Variants in RBFOX1 observed in about 807,000 individuals in gnomAD.
RBFOX1 encodes the protein RNA binding fox-1 homolog 1.
A neutral mutation model predicts 57.7 loss-of-function variants in RBFOX1; 8 were observed. That is an observed-to-expected ratio of 0.14 (90% CI 0.08 to 0.25). The LOEUF is 0.25. RBFOX1 is among the 10% of genes least tolerant of loss of function. The probability of loss-of-function intolerance (pLI) is 1.00; values close to 1 mark genes in which losing one functional copy is unlikely to be tolerated. For missense variants in RBFOX1, 611 were observed against 548.5 expected (o/e 1.11, Z -1.14); for synonymous variants, 326 against 222.4 (o/e 1.47, Z -4.15).
chr16:7,044,602 T>G (rs2047266957), intron 3 of RBFOX1, among the ~76,000 whole-genome samples: 1 of 152,158 alleles, frequency 6.6e-6, no homozygotes. Context: ...TGGTATTTGA[T>G]TCTGGAAGCA....
intron 4 of RBFOX1, among the ~76,000 whole-genome samples, chr16:5,879,234 G>T (rs2057699195): frequency 1.3e-5 from 2 of 152,236 alleles, no homozygotes; most frequent in Non-Finnish European, 2.9e-5. Context: ...GGCTTCCTGA[G>T]TTCCAATGAG....
At chr16:5,767,646 A>G (rs1239374458) in intron 3 of RBFOX1, among the ~76,000 whole-genome samples, 5 of 152,098 alleles carry the variant, frequency 3.3e-5, no homozygotes, top group African/African-American at 1.2e-4. Context: ...GACATTCTTG[A>G]TGTCTTCCCC....
In RBFOX1 at chr16:6,411,906, G is replaced by T. The variant is rs571571301; in HGVS notation, c.-64+94849G>T. On this transcript the variant is annotated intron_variant, in intron 2 of 15. Coordinates refer to ENST00000550418, the MANE Select transcript of RBFOX1 (RefSeq NM_018723.4). ...CCCAGCACTTTGGGCGGCTGAGGTG[G>T]TCGGCTTACGAGGTCAGGAGTTTGA... is the stretch of plus-strand genomic sequence containing the variant. 5.3e-5 allele frequency among the ~76,000 whole-genome samples: 8 copies of T among 152,210 alleles called. No individual in the cohort carries two copies. In the South Asian group the frequency reaches 1.5e-3, roughly 28 times the overall value.
In RBFOX1 at chr16:5,856,253, ATATATATG is replaced by A. The variant is rs1216655659; in HGVS notation, c.319-11042_319-11035del. ...TGTATATATATGTGTATATATATGT[ATATATATG>A]TATATATATATACACATATATATAC... On this transcript the variant is annotated intron_variant, in intron 3 of 19. Transcript: ENST00000641259. Among the ~76,000 whole-genome samples the A allele has an allele frequency of 7.1e-4, 50 of 69,976 alleles. 1 individual carries two copies. The highest frequency in any genetic ancestry group is 3.1e-3 in the African/African-American group (47 of 15,348). The allele number at this position is 69,976 out of a possible 152,430, so 45.9% of individuals were successfully genotyped here. A position where few individuals can be genotyped will look rare whatever the true frequency, so the allele number is the denominator to read the frequency against.
intron 1 of RBFOX1, among the ~76,000 whole-genome samples, chr16:5,417,917 C>T (rs1474090728): frequency 6.6e-6 from 1 of 152,090 alleles, no homozygotes; most frequent in African/African-American, 2.4e-5. Context: ...CGCATCTCTA[C>T]TAAAAATACA....
chr16:5,643,464 T>G (rs2048946866), intron 3 of RBFOX1, among the ~76,000 whole-genome samples: 1 of 152,182 alleles, frequency 6.6e-6, no homozygotes, highest in Non-Finnish European at 1.5e-5. Flanking sequence ...AAGTAGAGCT[T>G]CTCTGCTGAG....
intron 4 of RBFOX1, among the ~76,000 whole-genome samples, chr16:7,441,071 A>G (rs539739088): frequency 6.6e-6 from 1 of 152,142 alleles, no homozygotes; most frequent in Non-Finnish European, 1.5e-5. Context: ...GACAGCTGTT[A>G]TTTTCCTAAG....
chr16:7,672,437 G>T (rs1280478944), intron 13 of RBFOX1, among the ~76,000 whole-genome samples: 2 of 152,164 alleles, frequency 1.3e-5, no homozygotes, highest in African/African-American at 4.8e-5. Flanking sequence ...AATTGACTGA[G>T]TTTTAATTAA....
At chr16:7,092,492 T>C (rs1339469030) in intron 4 of RBFOX1, among the ~76,000 whole-genome samples, 2 of 152,254 alleles carry the variant, frequency 1.3e-5, no homozygotes, top group East Asian at 1.9e-4. Flanking sequence ...TCTTTAATAC[T>C]GTATAGACAG....
intron 4 of RBFOX1, among the ~76,000 whole-genome samples, chr16:7,479,346 G>C (rs2063412680): frequency 6.6e-6 from 1 of 152,060 alleles, no homozygotes; most frequent in Non-Finnish European, 1.5e-5. Flanking sequence ...GCCCAGGCTA[G>C]TCTTGAACTC....
At chr16:5,915,262 C>T (rs571168773) in intron 4 of RBFOX1, among the ~76,000 whole-genome samples, 2 of 152,298 alleles carry the variant, frequency 1.3e-5, no homozygotes, top group South Asian at 2.1e-4. Flanking sequence ...TCTGTCTTTG[C>T]TTTTCCATCT....
At chr16:7,217,536 C>A (rs1450380320) in intron 4 of RBFOX1, among the ~76,000 whole-genome samples, 1 of 151,906 alleles carries the variant, frequency 6.6e-6, no homozygotes, top group African/African-American at 2.4e-5. Flanking sequence ...ACTTCCAACC[C>A]CTCGTCCATC....
intron 3 of RBFOX1, among the ~76,000 whole-genome samples, chr16:6,748,373 T>G (rs778358384): frequency 6.6e-6 from 1 of 151,970 alleles, no homozygotes; most frequent in Non-Finnish European, 1.5e-5. Flanking sequence ...GAGCACAAAT[T>G]ATTTGGGGTG....
chr16:6,852,378 G>A (rs1339740306), intron 3 of RBFOX1, among the ~76,000 whole-genome samples: 1 of 152,118 alleles, frequency 6.6e-6, no homozygotes, highest in Non-Finnish European at 1.5e-5. Context: ...GTGAGCATCA[G>A]TTCAGTCACA....
intron 3 of RBFOX1, among the ~76,000 whole-genome samples, chr16:5,638,213 A>G (rs1288398569): frequency 6.6e-6 from 1 of 152,188 alleles, no homozygotes; most frequent in East Asian, 1.9e-4. Flanking sequence ...AGCTAAGAAG[A>G]GTGAGGTTTG....
At chr16:5,552,171 C>T (rs1378181699) in intron 2 of RBFOX1, among the ~76,000 whole-genome samples, 4 of 152,190 alleles carry the variant, frequency 2.6e-5, no homozygotes, top group Admixed American at 1.3e-4. Context: ...CTCTCAGCAT[C>T]AAAGGAGTGC....
intron 2 of RBFOX1, among the ~76,000 whole-genome samples, chr16:6,524,916 G>C (rs1331320204): frequency 6.6e-6 from 1 of 152,164 alleles, no homozygotes; most frequent in Non-Finnish European, 1.5e-5. Context: ...TCCTGAGCCA[G>C]TATGACCTCA....
chr16:6,815,965 A>G (rs10083782), intron 3 of RBFOX1, among the ~76,000 whole-genome samples: 8,588 of 152,248 alleles, frequency 0.056, 603 homozygotes, highest in African/African-American at 0.17. Flanking sequence ...GAGTATTAAT[A>G]TTAAGGTTGG....
At chr16:7,188,903 A>C (rs2084607661) in intron 4 of RBFOX1, among the ~76,000 whole-genome samples, 1 of 152,136 alleles carries the variant, frequency 6.6e-6, no homozygotes, top group Admixed American at 6.5e-5. Context: ...ACAGACAGCT[A>C]AGGATTGGGG....
Sources: allele counts gnomAD v4.1 joint callset (sites outside exome capture counted in the v4.1 genomes callset), GRCh38; gene constraint gnomAD v4.1.1; transcripts MANE v1.5; gene names NCBI Gene and HGNC (gene_info 2026-07-23, HGNC 2026-07-21).